ADAMTSL1: variants seen among roughly 807,000 people sequenced by gnomAD.
The protein encoded by ADAMTSL1 is ADAMTS like 1.
A neutral mutation model predicts 201.8 loss-of-function variants in ADAMTSL1; 126 were observed. That is an observed-to-expected ratio of 0.62 (90% CI 0.54 to 0.72). The LOEUF is 0.72. ADAMTSL1 is among the 30% of genes least tolerant of loss of function. ADAMTSL1 has a pLI of 0.00. For synonymous variants in ADAMTSL1, 1,121 were observed against 903.4 expected, an observed-to-expected ratio of 1.24 and a Z score of -4.32; for missense variants, 2,679 against 2,277.8, an observed-to-expected ratio of 1.18 and a Z score of -3.59.
chr9:18,289,334 A>G (rs1281440380), intron 2 of ADAMTSL1, among the ~76,000 whole-genome samples: 1 of 152,198 alleles, frequency 6.6e-6, no homozygotes, highest in Non-Finnish European at 1.5e-5. Context: ...TTGGAGGGCT[A>G]AGAAGTACCC....
intron 2 of ADAMTSL1, among the ~76,000 whole-genome samples, chr9:18,351,733 A>T (rs757148029): frequency 6.6e-6 from 1 of 152,182 alleles, no homozygotes; most frequent in African/African-American, 2.4e-5. Flanking sequence ...AAATCTTCTA[A>T]TTAGGAATAT....
intron 14 of ADAMTSL1, among the ~76,000 whole-genome samples, chr9:18,714,572 C>T (rs1330316100): frequency 4.9e-5 from 7 of 143,584 alleles, no homozygotes; most frequent in African/African-American, 1.7e-4. Context: ...TGAAGATAGA[C>T]CAATAACAGG....
chr9:18,096,580 C>T (rs1824263049), intron 1 of ADAMTSL1, among the ~76,000 whole-genome samples: 2 of 152,212 alleles, frequency 1.3e-5, no homozygotes, highest in Admixed American at 6.5e-5. Flanking sequence ...TTCTCTGTCA[C>T]ATTCTTCAGA....
chr9:18,243,270 G>T (rs1045867888), intron 2 of ADAMTSL1, among the ~76,000 whole-genome samples: 3 of 152,148 alleles, frequency 2.0e-5, no homozygotes, highest in South Asian at 2.1e-4. Flanking sequence ...GAAAATGGTT[G>T]CCACATTCCT....
At chr9:18,324,337 G>A (rs1378815961) in intron 2 of ADAMTSL1, among the ~76,000 whole-genome samples, 1 of 150,746 alleles carries the variant, frequency 6.6e-6, no homozygotes, top group Non-Finnish European at 1.5e-5. Flanking sequence ...AAACCTAAAA[G>A]CTAAAAATAT....
chr9:18,253,853 G>A (rs907520788), intron 2 of ADAMTSL1, among the ~76,000 whole-genome samples: 1 of 152,130 alleles, frequency 6.6e-6, no homozygotes, highest in African/African-American at 2.4e-5. Flanking sequence ...GTAGTTCTTA[G>A]GTAGTGGGAC....
At chr9:18,652,877 T>G (rs994254854) in intron 7 of ADAMTSL1, among the ~76,000 whole-genome samples, 9 of 152,196 alleles carry the variant, frequency 5.9e-5, no homozygotes, top group African/African-American at 2.2e-4. Context: ...ACCCAGCCTG[T>G]TTCTAGACAG....
intron 3 of ADAMTSL1, among the ~76,000 whole-genome samples, chr9:18,555,878 C>A (rs956814237): frequency 6.6e-6 from 1 of 151,920 alleles, no homozygotes; most frequent in Admixed American, 6.6e-5. Context: ...TGGGTCAGCT[C>A]CTCACAGAAA....
At chr9:18,863,695 G>A (rs528207968) in intron 23 of ADAMTSL1, among the ~76,000 whole-genome samples, 54 of 152,206 alleles carry the variant, frequency 3.5e-4, no homozygotes, top group African/African-American at 1.2e-3. Context: ...GCTCTTTAGC[G>A]ACCATCTCTG....
chr9:17,958,392 G>T (rs1022045066), intron 1 of ADAMTSL1, among the ~76,000 whole-genome samples: 1 of 152,172 alleles, frequency 6.6e-6, no homozygotes, highest in Admixed American at 6.5e-5. Context: ...ACACTTCACA[G>T]TCTTGTTTAT....
At chr9:18,061,862 C>A (rs181841546) in intron 1 of ADAMTSL1, among the ~76,000 whole-genome samples, 1 of 152,314 alleles carries the variant, frequency 6.6e-6, no homozygotes, top group Non-Finnish European at 1.5e-5. Context: ...GATAGAAATA[C>A]TTTGAATCAC....
intron 5 of ADAMTSL1, among the ~76,000 whole-genome samples, chr9:18,632,818 T>G (rs1269284754): frequency 6.6e-6 from 1 of 152,016 alleles, no homozygotes; most frequent in Non-Finnish European, 1.5e-5. Context: ...ACTGCTAGAG[T>G]TTGTACCAGC....
intron 2 of ADAMTSL1, among the ~76,000 whole-genome samples, chr9:18,313,185 A>G (rs1457896816): frequency 2.0e-5 from 3 of 152,182 alleles, no homozygotes; most frequent in Admixed American, 2.0e-4. Context: ...TGCATTTCTA[A>G]CTAGTTCTTA....
chr9:17,923,947 A>G (rs1284437645), intron 1 of ADAMTSL1, among the ~76,000 whole-genome samples: 1 of 129,294 alleles, frequency 7.7e-6, no homozygotes, highest in East Asian at 2.2e-4. Context: ...ACGTATATTG[A>G]ACCAGCCTTG....
intron 15 of ADAMTSL1, among the ~76,000 whole-genome samples, chr9:18,729,057 T>G (rs1818063465): frequency 6.6e-6 from 1 of 152,172 alleles, no homozygotes; most frequent in Non-Finnish European, 1.5e-5. Context: ...ACCATAACAT[T>G]TTTTCATTGA....
At chr9:18,708,906 G>A (rs1376453499) in intron 14 of ADAMTSL1, among the ~76,000 whole-genome samples, 3 of 152,206 alleles carry the variant, frequency 2.0e-5, no homozygotes, top group Non-Finnish European at 4.4e-5. Flanking sequence ...AATTTGAAGT[G>A]TCGAGTGTAT....
intron 23 of ADAMTSL1, among the ~76,000 whole-genome samples, chr9:18,880,798 C>A (rs997017994): frequency 2.0e-5 from 3 of 152,214 alleles, no homozygotes; most frequent in Non-Finnish European, 4.4e-5. Context: ...GTATTGACTT[C>A]TCTCTAGTTA....
At chr9:18,069,635 A>G (rs534601698) in intron 1 of ADAMTSL1, among the ~76,000 whole-genome samples, 4 of 152,340 alleles carry the variant, frequency 2.6e-5, no homozygotes, top group Non-Finnish European at 4.4e-5. Flanking sequence ...TCTGGGCTTT[A>G]TTCTTTAGCT....
intron 2 of ADAMTSL1, among the ~76,000 whole-genome samples, chr9:18,391,221 A>AT (rs1838032275): frequency 3.3e-5 from 5 of 152,168 alleles, no homozygotes; most frequent in Admixed American, 3.3e-4. Flanking sequence ...CCTTTTTCCT[A>AT]TAAAAACTGT....
Sources: gnomAD v4.1 joint callset for allele counts (sites outside exome capture counted in the v4.1 genomes callset) on GRCh38, gnomAD v4.1.1 for gene constraint, MANE v1.5 for transcripts, NCBI Gene and HGNC (gene_info 2026-07-23, HGNC 2026-07-21) for gene names.